The following TLL1 variants were observed in gnomAD, a reference collection of about 807,000 sequenced individuals.
The protein encoded by TLL1 is tolloid like 1.
TLL1 carries 49 observed loss-of-function variants against 128.2 expected under a neutral mutation model. The observed-to-expected ratio is 0.38, with a 90% CI of 0.30 to 0.48. TLL1 has a LOEUF of 0.48. TLL1 is among the 20% of genes least tolerant of loss of function. The probability of loss-of-function intolerance (pLI) is 0.96; values close to 1 mark genes in which losing one functional copy is unlikely to be tolerated. For missense variants in TLL1, 1,123 were observed against 1,242.0 expected (o/e 0.90, Z 1.44); for synonymous variants, 454 against 418.8 (o/e 1.08, Z -1.03).
chr4:165,975,645 A>G (rs1735842122), intron 1 of TLL1, among the ~76,000 whole-genome samples: 1 of 152,222 alleles, frequency 6.6e-6, no homozygotes, highest in African/African-American at 2.4e-5. Flanking sequence ...GCTAAAATCC[A>G]AAATGGGAAC....
At chr4:166,068,174 T>A (rs1443464007) in intron 16 of TLL1, among the ~76,000 whole-genome samples, 1 of 151,784 alleles carries the variant, frequency 6.6e-6, no homozygotes, top group Non-Finnish European at 1.5e-5. Context: ...CACATTTAAT[T>A]TCCTGGGAGT....
chr4:166,062,212 G>C (rs528721410), intron 15 of TLL1, among the ~76,000 whole-genome samples: 1 of 152,158 alleles, frequency 6.6e-6, no homozygotes, highest in African/African-American at 2.4e-5. Context: ...TTCTTTTTTG[G>C]TTCCATATGA....
At chr4:166,095,512 T>G (rs4690833) in intron 19 of TLL1, among the ~76,000 whole-genome samples, 97,744 of 151,860 alleles carry the variant, frequency 0.64, 31,882 homozygotes, top group Middle Eastern at 0.85. Context: ...TCAAAGCATT[T>G]TCTCTTGGGA....
chr4:166,092,122 T>A (rs182896763), intron 19 of TLL1, among the ~76,000 whole-genome samples: 18 of 152,196 alleles, frequency 1.2e-4, no homozygotes, highest in Admixed American at 3.3e-4. Flanking sequence ...GCATAAACGA[T>A]TGATACACGG....
rs1383615468 is a variant in TLL1 at position 165,978,598 on chromosome 4, G to T, written c.170-10783G>T. ...TGCTTTTAGGATACATTTCAATGAG[G>T]ATATATATATTTAAGTTGCTGTTTT... On this transcript the variant is annotated intron_variant, in intron 1 of 20. Coordinates refer to ENST00000061240, the MANE Select transcript of TLL1 (RefSeq NM_012464.5). Among the ~76,000 whole-genome samples the T allele has an allele frequency of 2.6e-5, 4 of 152,066 alleles. No homozygotes were observed. The East Asian group carries it at 7.7e-4, about 29-fold the overall frequency.
chr4:166,055,203 C>A lies in TLL1; in HGVS notation c.1652C>A (p.Thr551Asn), dbSNP rs1739947415. Residue 551 changes from threonine (T) to asparagine (N), a missense_variant, in exon 13 of 21, where the codon ACT becomes AAT. Around this residue, in one of 3 missense-constraint regions of TLL1, gnomAD observed 634 missense variants for 672.4 expected, o/e 0.94. Transcript: ENST00000061240. ...KPEDIRSTSN[T>N]LWMKFVSDGT... ...GAAGACATAAGATCTACCTCCAATACTTTGTGGATGAAGTTTGTTTCTGAC... is the reference window on the plus strand; with the variant it reads ...GAAGACATAAGATCTACCTCCAATAATTTGTGGATGAAGTTTGTTTCTGAC... The A allele has an allele frequency of 6.2e-7, 1 of 1,613,552 alleles. No individual in the cohort carries two copies. The highest frequency in any genetic ancestry group is 1.3e-5 in the African/African-American group (1 of 74,868).
chr4:165,925,819 C>T (rs532571680), intron 1 of TLL1, among the ~76,000 whole-genome samples: 1 of 152,138 alleles, frequency 6.6e-6, no homozygotes, highest in Non-Finnish European at 1.5e-5. Flanking sequence ...CTTCAGCAAC[C>T]ACCACCTTGA....
chr4:166,057,339 C>A (rs1042430541), intron 14 of TLL1, 30 bp downstream of exon 14: 20 of 1,611,688 alleles, frequency 1.2e-5, no homozygotes, highest in Admixed American at 1.7e-5. Context: ...TGGACCCCCA[C>A]CCCCCACAAT....
intron 1 of TLL1, among the ~76,000 whole-genome samples, chr4:165,972,848 C>G (rs886289229): frequency 9.2e-5 from 14 of 152,132 alleles, no homozygotes; most frequent in African/African-American, 2.9e-4. Flanking sequence ...GTCTGAACTT[C>G]TTAGTGATGT....
chr4:166,072,641 C>A (rs1215354779), intron 16 of TLL1, among the ~76,000 whole-genome samples: 1 of 151,574 alleles, frequency 6.6e-6, no homozygotes, highest in Non-Finnish European at 1.5e-5. Flanking sequence ...AAGGACTTAA[C>A]CTTTCCACTA....
chr4:165,967,234 C>T (rs886112693), intron 1 of TLL1, among the ~76,000 whole-genome samples: 7 of 152,298 alleles, frequency 4.6e-5, no homozygotes, highest in Admixed American at 2.6e-4. Context: ...CCATCTTGTT[C>T]CTTTGGATGC....
Position 166,025,415 on chromosome 4 carries a change from T to G in TLL1, c.1142T>G (p.Val381Gly). Reference protein sequence around the residue: ...SYTHCIWRVSVTPGEKIVLNF... With the variant: ...SYTHCIWRVSGTPGEKIVLNF... Reference sequence around the variant, plus strand: ...ACACACTGCATCTGGAGAGTTTCTGTGACCCCAGGGGAGAAGGTAGTTTAT... The same window carrying G: ...ACACACTGCATCTGGAGAGTTTCTGGGACCCCAGGGGAGAAGGTAGTTTAT... Residue 381 changes from valine to glycine, a missense_variant, in exon 9 of 21, where the codon GTG becomes GGG. Physicochemically the swap from Val to Gly is moderately radical, Grantham distance 109. Transcript: ENST00000061240. 6.2e-7 allele frequency: 1 copy of G among 1,612,422 alleles called. No individual in the cohort carries two copies. The highest frequency in any genetic ancestry group is 1.1e-5 in the South Asian group (1 of 91,034).
chr4:165,999,724 T>G (rs1737064494), intron 5 of TLL1, among the ~76,000 whole-genome samples: 1 of 151,902 alleles, frequency 6.6e-6, no homozygotes, highest in African/African-American at 2.4e-5. Context: ...TCCACCTGCC[T>G]CAGCCTCCCA....
chr4:166,067,898 A>T (rs1431806627), intron 16 of TLL1, among the ~76,000 whole-genome samples: 1 of 151,842 alleles, frequency 6.6e-6, no homozygotes, highest in African/African-American at 2.4e-5. Context: ...TAAACCTAGT[A>T]TCTCTTGGTC....
chr4:165,952,064 G>C (rs987378613), intron 1 of TLL1, among the ~76,000 whole-genome samples: 1 of 152,060 alleles, frequency 6.6e-6, no homozygotes, highest in Admixed American at 6.6e-5. Context: ...ATAAAAAGTT[G>C]ACTTTTCAAA....
At chr4:165,897,662 CT>C (rs951819686) in intron 1 of TLL1, among the ~76,000 whole-genome samples, 544 of 47,488 alleles carry the variant, frequency 0.011, 1 homozygote, top group African/African-American at 0.038. Flanking sequence ...GGTAGTCCAG[CT>C]TTTTTTTTTT....
intron 5 of TLL1, 80 bp from the exon 6 acceptor site, chr4:166,003,311 T>G (rs1737253707): frequency 1.4e-6 from 2 of 1,461,948 alleles, no homozygotes. Flanking sequence ...TCATCACTAT[T>G]CTTTACAAAA....
chr4:165,911,396 A>G (rs1466425766), intron 1 of TLL1, among the ~76,000 whole-genome samples: 1 of 152,160 alleles, frequency 6.6e-6, no homozygotes, highest in Non-Finnish European at 1.5e-5. Flanking sequence ...GCTGAATAGT[A>G]TTTCATCGTG....
intron 10 of TLL1, among the ~76,000 whole-genome samples, chr4:166,040,570 G>A (rs993291671): frequency 4.6e-5 from 7 of 152,172 alleles, no homozygotes; most frequent in African/African-American, 1.7e-4. Flanking sequence ...TGTGTGAAAA[G>A]CTTTCCTTAC....
Sources: gnomAD v4.1 joint callset for allele counts (sites outside exome capture counted in the v4.1 genomes callset) on GRCh38, gnomAD v4.1.1 for gene constraint, gnomAD v4.1.1 regional missense constraint, MANE v1.5 for transcripts, NCBI Gene and HGNC (gene_info 2026-07-23, HGNC 2026-07-21) for gene names.